CLEC9A: variants seen among roughly 807,000 people sequenced by gnomAD.
The protein encoded by CLEC9A is C-type lectin domain containing 9A, also known as C-type lectin domain family 9 member A.
Under a neutral mutation model 30.0 loss-of-function variants are expected in CLEC9A, and 24 were observed. The observed-to-expected ratio is 0.80, with a 90% CI of 0.58 to 1.13. The LOEUF is 1.13. CLEC9A is among the 50% of genes most tolerant of loss of function. CLEC9A has a pLI of 0.00. For synonymous variants in CLEC9A, 111 were observed against 96.8 expected (o/e 1.15, Z -0.86); for missense variants, 251 against 280.9 (o/e 0.89, Z 0.76).
chr12:10,048,630 T>TA lies in CLEC9A; in HGVS notation c.-162-3361_-162-3360insA, dbSNP rs554413810. Among the ~76,000 whole-genome samples, 166 of 152,342 alleles carry TA rather than the reference T, an allele frequency of 1.1e-3. 1 individual carries two copies. The highest frequency in any genetic ancestry group is 3.8e-3 in the African/African-American group (158 of 41,588). On this transcript the variant is annotated intron_variant, in intron 2 of 8. Transcript: ENST00000355819. ...ATATTTGTCTCAAGAAACCATTTTA[T>TA]TTGCTCATCCATAGGAAGCAGCTCC...
chr12:10,053,087 C>T (rs1269694455), intron 4 of CLEC9A, among the ~76,000 whole-genome samples: 2 of 152,146 alleles, frequency 1.3e-5, no homozygotes, highest in African/African-American at 4.8e-5. Context: ...CTAAAACATT[C>T]TGCAAATTAT....
intron 2 of CLEC9A, among the ~76,000 whole-genome samples, chr12:10,048,696 C>T (rs1372611385): frequency 6.6e-6 from 1 of 152,212 alleles, no homozygotes; most frequent in Non-Finnish European, 1.5e-5. Context: ...ATCAACTCAG[C>T]CACATCTTCA....
chr12:10,059,837 A>G (rs1865980207), intron 5 of CLEC9A, among the ~76,000 whole-genome samples: 1 of 152,238 alleles, frequency 6.6e-6, no homozygotes, highest in African/African-American at 2.4e-5. Flanking sequence ...AGAATGTACA[A>G]AGAACTCTCT....
At chr12:10,058,876 G>A (rs960565620) in intron 5 of CLEC9A, among the ~76,000 whole-genome samples, 5 of 152,136 alleles carry the variant, frequency 3.3e-5, no homozygotes, top group African/African-American at 7.2e-5. Flanking sequence ...CTGTGTGATC[G>A]TGGTTACCTC....
intron 1 of CLEC9A, among the ~76,000 whole-genome samples, chr12:10,041,259 A>G (rs1439827380): frequency 6.6e-6 from 1 of 152,048 alleles, no homozygotes; most frequent in Non-Finnish European, 1.5e-5. Context: ...CAACAACAAC[A>G]AAAACAAAAA....
Position 10,064,871 on chromosome 12 carries a change from A to G in CLEC9A, c.593+18A>G, listed in dbSNP as rs1866029800. On this transcript the variant is annotated intron_variant, in intron 8 of 8. Coordinates refer to ENST00000355819, the MANE Select transcript of CLEC9A (RefSeq NM_207345.4). ...CCTGGCCTGTAAGTCTCTGAGTGAA[A>G]TGCTACAAGAAAAGTTAGAAACATG... 4 of 1,600,440 alleles carry G rather than the reference A, an allele frequency of 2.5e-6. No individual in the cohort carries two copies. The highest frequency in any genetic ancestry group is 3.4e-6 in the Non-Finnish European group (4 of 1,175,220).
chr12:10,033,828 G>C (rs1347079270), intron 1 of CLEC9A, among the ~76,000 whole-genome samples: 3 of 152,016 alleles, frequency 2.0e-5, no homozygotes, highest in Non-Finnish European at 4.4e-5. Flanking sequence ...GCCTAAATTG[G>C]ATAGTACCCA....
rs1865797640 is a variant in CLEC9A at position 10,041,541 on chromosome 12, A to G, written c.-242A>G. ...AGCTGCTATGGGTTCTTCAAACACAACTTGACATGGAAAGAGAGTGAGCAG... is the reference window on the plus strand; with the variant it reads ...AGCTGCTATGGGTTCTTCAAACACAGCTTGACATGGAAAGAGAGTGAGCAG... On this transcript the variant is annotated 5_prime_UTR_variant, in exon 2 of 9. Coordinates refer to ENST00000355819, the MANE Select transcript of CLEC9A (RefSeq NM_207345.4). 1 of 503,706 alleles carries G rather than the reference A, an allele frequency of 2.0e-6. No homozygotes were observed. Among genetic ancestry groups the G allele is most frequent in the Non-Finnish European group, 4.0e-6 (1 of 250,994 alleles). The allele number at this position is 503,706 out of a possible 1,614,324, so 31.2% of individuals were successfully genotyped here. A position where few individuals can be genotyped will look rare whatever the true frequency, so the allele number is the denominator to read the frequency against.
At chr12:10,059,590 C>T (rs927953794) in intron 5 of CLEC9A, among the ~76,000 whole-genome samples, 2 of 151,960 alleles carry the variant, frequency 1.3e-5, no homozygotes, top group Non-Finnish European at 2.9e-5. Flanking sequence ...CAAAATAAAA[C>T]ATACATACTC....
At chr12:10,063,845 T>C (rs957933998) in intron 7 of CLEC9A, among the ~76,000 whole-genome samples, 3 of 152,058 alleles carry the variant, frequency 2.0e-5, no homozygotes, top group Non-Finnish European at 2.9e-5. Flanking sequence ...CTGTCTCTAC[T>C]AAAAATACAA....
At chr12:10,039,129 G>T (rs1349538693) in intron 1 of CLEC9A, among the ~76,000 whole-genome samples, 3 of 152,196 alleles carry the variant, frequency 2.0e-5, no homozygotes, top group African/African-American at 7.2e-5. Context: ...AATTGGCCCT[G>T]CTTCCTCCTC....
In CLEC9A at chr12:10,052,745, T is replaced by C. The variant is rs1565591830; in HGVS notation, c.58T>C (p.Tyr20His). Residue 20 changes from tyrosine (Y) to histidine (H), a missense_variant, in exon 4 of 9, where the codon TAC (tyrosine) becomes CAC (histidine). Coordinates refer to ENST00000355819, the MANE Select transcript of CLEC9A (RefSeq NM_207345.4). The stretch of plus-strand genomic sequence containing the variant: ...GTGGGATAGCCCAGCACCAGACACT[T>C]ACCAGAAATGTCTGTCTTCCAACAA... ...LQWDSPAPDT[Y>H]QKCLSSNKCS... The C allele has an allele frequency of 1.2e-6, 2 of 1,613,800 alleles. No homozygotes were observed. The highest frequency in any genetic ancestry group is 1.7e-6 in the Non-Finnish European group (2 of 1,179,864).
At chr12:10,055,295 G>A (rs1052902056) in intron 5 of CLEC9A, among the ~76,000 whole-genome samples, 15 of 152,050 alleles carry the variant, frequency 9.9e-5, no homozygotes, top group Non-Finnish European at 1.8e-4. Flanking sequence ...ATGTGAGTTC[G>A]CTTTTTAAGA....
At chr12:10,050,345 A>G (rs558159763) in intron 2 of CLEC9A, among the ~76,000 whole-genome samples, 23 of 152,376 alleles carry the variant, frequency 1.5e-4, no homozygotes, top group African/African-American at 5.3e-4. Flanking sequence ...TGGCACTGAT[A>G]GGATTGCTTG....
intron 1 of CLEC9A, among the ~76,000 whole-genome samples, chr12:10,032,226 T>C (rs1405267454): frequency 6.6e-6 from 1 of 152,104 alleles, no homozygotes; most frequent in East Asian, 1.9e-4. Flanking sequence ...AATATTAACA[T>C]ACAATCTAGC....
chr12:10,035,201 T>C (rs780944117), intron 1 of CLEC9A, among the ~76,000 whole-genome samples: 18 of 152,198 alleles, frequency 1.2e-4, no homozygotes, highest in Non-Finnish European at 1.9e-4. Flanking sequence ...CAGCCACTTA[T>C]GTGTCTGCCT....
chr12:10,057,369 G>A (rs1383278820), intron 5 of CLEC9A, among the ~76,000 whole-genome samples: 1 of 151,690 alleles, frequency 6.6e-6, no homozygotes, highest in South Asian at 2.1e-4. Context: ...AGGACCATGT[G>A]TCTGACAAAA....
chr12:10,052,671 A>G lies in CLEC9A; in HGVS notation c.-17A>G, dbSNP rs1269776885. Reference sequence around the variant, plus strand: ...AGCCTCCTGTGTGGACTGCTTTCCTATCAAAGCACCTTAGACATGCACGAG... The same window carrying G: ...AGCCTCCTGTGTGGACTGCTTTCCTGTCAAAGCACCTTAGACATGCACGAG... On this transcript the variant is annotated 5_prime_UTR_variant, in exon 4 of 9. Transcript: ENST00000355819. The G allele has an allele frequency of 6.2e-7, 1 of 1,613,214 alleles. No individual in the cohort carries two copies. The highest frequency in any genetic ancestry group is 8.5e-7 in the Non-Finnish European group (1 of 1,179,608).
chr12:10,046,840 T>TAC (rs1865850998), intron 2 of CLEC9A, among the ~76,000 whole-genome samples: 1 of 152,220 alleles, frequency 6.6e-6, no homozygotes, highest in Non-Finnish European at 1.5e-5. Context: ...CTTTAGAACT[T>TAC]ACTCTCTGTA....
Sources: gnomAD v4.1 joint callset for allele counts (sites outside exome capture counted in the v4.1 genomes callset) on GRCh38, gnomAD v4.1.1 for gene constraint, MANE v1.5 for transcripts, NCBI Gene and HGNC (gene_info 2026-07-23, HGNC 2026-07-21) for gene names.